Variants in METTL25 observed in about 807,000 individuals in gnomAD.
METTL25 encodes probable methyltransferase-like protein 25.
A neutral mutation model predicts 71.6 loss-of-function variants in METTL25; 64 were observed. That is an observed-to-expected ratio of 0.89 (90% confidence interval 0.73 to 1.10). The LOEUF is 1.10. Among genes scored for constraint, METTL25 ranks in the 50% least tolerant of loss-of-function variants. The probability of loss-of-function intolerance (pLI) is 0.00; values close to 1 mark genes in which losing one functional copy is unlikely to be tolerated. For missense variants in METTL25, 807 were observed against 707.0 expected (o/e 1.14, Z -1.60); for synonymous variants, 287 against 250.3 (o/e 1.15, Z -1.38).
chr12:82,477,343 G>A lies in METTL25; in HGVS notation c.1710G>A (p.Leu570=), dbSNP rs753749265. The A allele has an allele frequency of 4.0e-5, 62 of 1,535,640 alleles. 1 individual carries two copies. Among genetic ancestry groups the A allele is most frequent in the Admixed American group, 3.2e-4 (17 of 53,042 alleles). ...TLILLDRLCY[L]KEQEDIAWSA... ...TTCTTCTGGATCGACTTTGTTACCTGAAAGAGCAGGTAAATTATGTTATTT... is the reference window on the plus strand; with the variant it reads ...TTCTTCTGGATCGACTTTGTTACCTAAAAGAGCAGGTAAATTATGTTATTT... Residue 570 remains leucine (L), a synonymous_variant, in exon 11 of 12, where the codon CTG becomes CTA. Coordinates refer to ENST00000248306, the MANE Select transcript of METTL25 (RefSeq NM_032230.3).
chr12:82,398,846 A>G lies in METTL25; in HGVS notation c.583A>G (p.Lys195Glu), dbSNP rs1266927729. The change falls in exon 4 of 12, where the codon AAG becomes GAG. Residue 195 changes from lysine (K) to glutamate (E), a missense_variant. Transcript: ENST00000248306. The stretch of plus-strand genomic sequence containing the variant: ...CTACCTAAGCTCTTTTTTGTCCTTG[A>G]AGTATGGCTTAAAAGTTTATGGAAT... Reference protein sequence around the residue: ...KGYLSSFLSLKYGLKVYGIDS... With the variant: ...KGYLSSFLSLEYGLKVYGIDS... 6.3e-7 allele frequency: 1 copy of G among 1,589,208 alleles called. No individual in the cohort carries two copies. The highest frequency in any genetic ancestry group is 1.9e-5 in the Admixed American group (1 of 53,240).
intron 5 of METTL25, among the ~76,000 whole-genome samples, chr12:82,427,269 T>C (rs1223186551): frequency 6.6e-6 from 1 of 151,980 alleles, no homozygotes; most frequent in Non-Finnish European, 1.5e-5. Context: ...AATCGTAGAC[T>C]GTGTGTGTTA....
chr12:82,461,381 A>T (rs556675952), intron 9 of METTL25, among the ~76,000 whole-genome samples: 1 of 152,358 alleles, frequency 6.6e-6, no homozygotes, highest in South Asian at 2.1e-4. Flanking sequence ...GCCTTATGAA[A>T]TAAGTGATGT....
chr12:82,475,506 T>TG (rs1477333364), intron 9 of METTL25, among the ~76,000 whole-genome samples: 2 of 151,096 alleles, frequency 1.3e-5, no homozygotes, highest in Non-Finnish European at 3.0e-5. Flanking sequence ...AGTGCTATTG[T>TG]GAAAAAAAAA....
intron 1 of METTL25, among the ~76,000 whole-genome samples, chr12:82,361,038 A>G (rs1374381803): frequency 1.3e-5 from 2 of 152,270 alleles, no homozygotes; most frequent in East Asian, 1.9e-4. Context: ...AAGCTTCCAC[A>G]GGGTTGTCGC....
intron 1 of METTL25, 61 bp downstream of exon 1, chr12:82,358,885 G>A: frequency 1.4e-5 from 21 of 1,540,456 alleles, no homozygotes; most frequent in Non-Finnish European, 1.8e-5. Flanking sequence ...GGCAGACGAA[G>A]CGAGCCCCCT....
intron 9 of METTL25, among the ~76,000 whole-genome samples, chr12:82,463,131 C>T (rs143097403): frequency 6.6e-6 from 1 of 151,952 alleles, no homozygotes; most frequent in Non-Finnish European, 1.5e-5. Flanking sequence ...TTATTGTTAA[C>T]TATAGTCATC....
Position 82,407,271 on chromosome 12 carries a change from C to T in METTL25, c.1279+4141C>T, listed in dbSNP as rs868068136. Among the ~76,000 whole-genome samples the T allele has an allele frequency of 5.7e-4, 86 of 152,114 alleles. 1 individual carries two copies. The highest frequency in any genetic ancestry group is 1.5e-3 in the South Asian group (7 of 4,820). ...GGAAGCCTCTCAGTTAACAGATTCT[C>T]AAGCATTAGTCTTGTATCCTGCCTG... On this transcript the variant is annotated intron_variant, in intron 5 of 11. Transcript: ENST00000248306.
Position 82,399,328 on chromosome 12 carries a change from ATATT to A in METTL25, c.1066_1069del (p.Tyr356HisfsTer3). 6.2e-7 allele frequency: 1 copy of A among 1,608,030 alleles called. No homozygotes were observed. The highest frequency in any genetic ancestry group is 8.5e-7 in the Non-Finnish European group (1 of 1,175,768). On this transcript the variant is annotated frameshift_variant, in exon 4 of 12. Coordinates refer to ENST00000248306, the MANE Select transcript of METTL25 (RefSeq NM_032230.3). LOFTEE classifies it high-confidence loss of function. ...CATCAAAGTCAAGTGAATCAAATAT[ATATT>A]CACCTTTAACCTCTTTTATCACTGC...
intron 7 of METTL25, 55 bp from the exon 8 acceptor site, chr12:82,438,658 ATTTAT>A: frequency 9.5e-7 from 1 of 1,058,168 alleles, no homozygotes; most frequent in Admixed American, 2.8e-5. Flanking sequence ...ACATTCTGGT[ATTTAT>A]TTTATTTCTG....
chr12:82,366,590 A>G (rs1315874177), intron 1 of METTL25, among the ~76,000 whole-genome samples: 1 of 149,780 alleles, frequency 6.7e-6, no homozygotes. Context: ...TTTTTTTTGC[A>G]TCTTAATAAA....
chr12:82,400,207 C>G (rs766814540), intron 4 of METTL25, among the ~76,000 whole-genome samples: 2 of 151,790 alleles, frequency 1.3e-5, no homozygotes, highest in East Asian at 3.9e-4. Flanking sequence ...TGGCAGGTGC[C>G]TATAGTCCCA....
chr12:82,429,439 A>G (rs772060975), intron 5 of METTL25, among the ~76,000 whole-genome samples: 2 of 150,448 alleles, frequency 1.3e-5, no homozygotes, highest in Non-Finnish European at 3.0e-5. Flanking sequence ...CCTTACCTAT[A>G]TCTATTCATC....
intron 6 of METTL25, among the ~76,000 whole-genome samples, chr12:82,431,951 TG>T (rs1241618106): frequency 1.3e-5 from 2 of 151,668 alleles, no homozygotes; most frequent in African/African-American, 4.8e-5. Flanking sequence ...AAAAATAGAA[TG>T]GTTGTATGAG....
At position 82,430,982 on chromosome 12, in the gene METTL25, T is replaced by G; in HGVS notation, c.1369T>G (p.Cys457Gly). Residue 457 changes from cysteine to glycine, a missense_variant, in exon 6 of 12, where the codon TGT (cysteine) becomes GGT (glycine). Transcript: ENST00000248306. ...TGGTCGTAATGCCAGAATGTCAGCA[T>G]GTTTGGTATGGTTATATTTTTTCCT... ...CCGRNARMSA[C>G]LALERVAAGQ... 6.3e-7 allele frequency: 1 copy of G among 1,580,728 alleles called. No individual in the cohort carries two copies. Among genetic ancestry groups the G allele is most frequent in the South Asian group, 1.1e-5 (1 of 88,266 alleles).
chr12:82,368,548 C>T (rs1157628692), intron 1 of METTL25, among the ~76,000 whole-genome samples: 2 of 152,142 alleles, frequency 1.3e-5, no homozygotes, highest in South Asian at 4.2e-4. Context: ...AGAAGTTCAG[C>T]TCTTGGGTTG....
chr12:82,409,929 C>T (rs1887421491), intron 5 of METTL25, among the ~76,000 whole-genome samples: 1 of 152,042 alleles, frequency 6.6e-6, no homozygotes, highest in Non-Finnish European at 1.5e-5. Context: ...GTGCATGATA[C>T]CTATCCTAGT....
chr12:82,434,717 G>A lies in METTL25; in HGVS notation c.1397G>A (p.Gly466Asp). The change falls in exon 7 of 12, where the codon GGC becomes GAC. Residue 466 changes from glycine to aspartate, a missense_variant. Transcript: ENST00000248306. ...AAGGCATTGGAGCGGGTTGCAGCTG[G>A]CCAAGGGGTAAGTAAGAGTGTTAAC... ...ACLALERVAAGQGLPTESLFY... is the reference protein window; with the variant it reads ...ACLALERVAADQGLPTESLFY... 1 of 1,609,270 alleles carries A rather than the reference G, an allele frequency of 6.2e-7. No individual in the cohort carries two copies. The highest frequency in any genetic ancestry group is 8.5e-7 in the Non-Finnish European group (1 of 1,176,794).
At chr12:82,403,807 T>C (rs879606595) in intron 5 of METTL25, among the ~76,000 whole-genome samples, 1 of 152,184 alleles carries the variant, frequency 6.6e-6, no homozygotes, top group East Asian at 1.9e-4. Context: ...AAATATGATT[T>C]CAAAACTGCT....
Sources: allele counts gnomAD v4.1 joint callset (sites outside exome capture counted in the v4.1 genomes callset), GRCh38; gene constraint gnomAD v4.1.1; transcripts MANE v1.5; gene names NCBI Gene and HGNC (gene_info 2026-07-23, HGNC 2026-07-21).